The following CACNA2D3 variants were observed in gnomAD, a reference collection of about 807,000 sequenced individuals.
CACNA2D3 encodes the protein calcium voltage-gated channel auxiliary subunit alpha2delta 3.
In CACNA2D3, 60 loss-of-function variants were observed where a neutral mutation model predicts 160.6. The observed-to-expected ratio is 0.37, with a 90% CI of 0.30 to 0.46. CACNA2D3 has a LOEUF of 0.46. Among genes scored for constraint, CACNA2D3 ranks in the 20% least tolerant of loss-of-function variants. The pLI is 1.00. For missense variants in CACNA2D3, 1,205 were observed against 1,365.0 expected (o/e 0.88, Z 1.85); for synonymous variants, 558 against 492.9 (o/e 1.13, Z -1.75).
chr3:54,865,657 A>G (rs1421644335), intron 17 of CACNA2D3, among the ~76,000 whole-genome samples: 4 of 152,236 alleles, frequency 2.6e-5, no homozygotes, highest in Non-Finnish European at 5.9e-5. Flanking sequence ...GAATAGGGCT[A>G]TTTATAAACA....
chr3:54,211,714 C>T (rs928204065), intron 2 of CACNA2D3, among the ~76,000 whole-genome samples: 7 of 152,134 alleles, frequency 4.6e-5, no homozygotes, highest in Non-Finnish European at 1.0e-4. Context: ...TTCATTTTAT[C>T]GTTCTCTGTC....
chr3:54,495,687 T>C (rs182000225), intron 4 of CACNA2D3, among the ~76,000 whole-genome samples: 2 of 152,294 alleles, frequency 1.3e-5, no homozygotes, highest in East Asian at 3.9e-4. Context: ...AGGCAGAGGC[T>C]GCAGTGAGCC....
chr3:54,744,143 T>C (rs1403665418), intron 11 of CACNA2D3, among the ~76,000 whole-genome samples: 1 of 152,216 alleles, frequency 6.6e-6, no homozygotes, highest in African/African-American at 2.4e-5. Context: ...CTGATATGAC[T>C]ATTCTGGATC....
intron 13 of CACNA2D3, among the ~76,000 whole-genome samples, chr3:54,815,114 G>C (rs79633075): frequency 6.6e-6 from 1 of 151,952 alleles, no homozygotes; most frequent in South Asian, 2.1e-4. Context: ...TTCTCATCTC[G>C]TGGTCTATTT....
At chr3:54,543,300 T>C (rs770440810) in intron 5 of CACNA2D3, among the ~76,000 whole-genome samples, 2 of 152,210 alleles carry the variant, frequency 1.3e-5, no homozygotes, top group African/African-American at 2.4e-5. Flanking sequence ...ACAAAATGTC[T>C]TTCCATAGTT....
In CACNA2D3 at chr3:54,667,481, T is replaced by C. The variant is rs75090596; in HGVS notation, c.1167+25240T>C. On this transcript the variant is annotated intron_variant, in intron 11 of 37. Coordinates refer to ENST00000474759, the MANE Select transcript of CACNA2D3 (RefSeq NM_018398.3). Reference sequence around the variant, plus strand: ...GTTAGATAAAGAGGTTTTCATTTTATTCCTGTTCCATCAGAGACAATATCC... The same window carrying C: ...GTTAGATAAAGAGGTTTTCATTTTACTCCTGTTCCATCAGAGACAATATCC... Among the ~76,000 whole-genome samples, 898 of 152,338 alleles carry C rather than the reference T, an allele frequency of 5.9e-3. 12 individuals carry two copies. The highest frequency in any genetic ancestry group is 0.02 in the African/African-American group (847 of 41,576).
At chr3:54,206,322 C>T (rs75260377) in intron 2 of CACNA2D3, among the ~76,000 whole-genome samples, 8 of 151,986 alleles carry the variant, frequency 5.3e-5, no homozygotes, top group Admixed American at 4.6e-4. Context: ...TCTGTATGCT[C>T]GGGGATGAGG....
chr3:54,153,346 A>G (rs1200914915), intron 2 of CACNA2D3, among the ~76,000 whole-genome samples: 1 of 152,226 alleles, frequency 6.6e-6, no homozygotes, highest in Non-Finnish European at 1.5e-5. Context: ...CAGTTAGGAA[A>G]GGAGAAATGC....
intron 11 of CACNA2D3, among the ~76,000 whole-genome samples, chr3:54,715,710 A>C (rs1701039638): frequency 1.3e-5 from 2 of 152,324 alleles, no homozygotes; most frequent in South Asian, 4.1e-4. Flanking sequence ...ACAGGGAGGA[A>C]GACCAAATAT....
chr3:54,213,072 A>G (rs893335183), intron 2 of CACNA2D3, among the ~76,000 whole-genome samples: 16 of 152,090 alleles, frequency 1.1e-4, no homozygotes, highest in African/African-American at 3.9e-4. Context: ...TCCACCATCA[A>G]TTGTTTATTG....
At chr3:54,876,110 A>G (rs180833980) in intron 18 of CACNA2D3, among the ~76,000 whole-genome samples, 1 of 152,256 alleles carries the variant, frequency 6.6e-6, no homozygotes, top group East Asian at 1.9e-4. Context: ...GCATTTTTCC[A>G]GTTGTTCACT....
At chr3:54,855,953 TC>T (rs1699159744) in intron 17 of CACNA2D3, among the ~76,000 whole-genome samples, 1 of 152,122 alleles carries the variant, frequency 6.6e-6, no homozygotes, top group South Asian at 2.1e-4. Context: ...CCTCTCAGCC[TC>T]CCCTTCCCCC....
intron 14 of CACNA2D3, among the ~76,000 whole-genome samples, chr3:54,818,418 T>G (rs1392295728): frequency 6.6e-6 from 1 of 152,194 alleles, no homozygotes; most frequent in Non-Finnish European, 1.5e-5. Context: ...TGACCTTAGG[T>G]GATCTGCCTG....
At chr3:54,601,452 C>T (rs1242094344) in intron 9 of CACNA2D3, among the ~76,000 whole-genome samples, 1 of 152,162 alleles carries the variant, frequency 6.6e-6, no homozygotes, top group East Asian at 1.9e-4. Flanking sequence ...AAGTGATCCT[C>T]CTGCCTCAGC....
At chr3:54,440,840 C>T (rs1032193911) in intron 4 of CACNA2D3, among the ~76,000 whole-genome samples, 2 of 152,138 alleles carry the variant, frequency 1.3e-5, no homozygotes, top group African/African-American at 2.4e-5. Flanking sequence ...GGCTGCATAG[C>T]ATTCCATGGT....
chr3:54,654,872 C>T (rs1699847468), intron 11 of CACNA2D3, among the ~76,000 whole-genome samples: 1 of 152,172 alleles, frequency 6.6e-6, no homozygotes, highest in Non-Finnish European at 1.5e-5. Flanking sequence ...AATGAGAATC[C>T]AATGGGAAGC....
chr3:54,186,832 C>T (rs1700887066), intron 2 of CACNA2D3, among the ~76,000 whole-genome samples: 1 of 152,190 alleles, frequency 6.6e-6, no homozygotes, highest in Non-Finnish European at 1.5e-5. Flanking sequence ...TCACCAACGG[C>T]AGGCCTCTCC....
intron 11 of CACNA2D3, among the ~76,000 whole-genome samples, chr3:54,740,542 A>G (rs907069680): frequency 5.3e-5 from 8 of 152,132 alleles, no homozygotes; most frequent in African/African-American, 1.7e-4. Flanking sequence ...GCTCGTACAG[A>G]TCACCAAAAA....
intron 9 of CACNA2D3, among the ~76,000 whole-genome samples, chr3:54,609,070 T>C (rs1460247089): frequency 6.6e-6 from 1 of 152,206 alleles, no homozygotes; most frequent in Non-Finnish European, 1.5e-5. Flanking sequence ...TAATCTTTAA[T>C]GTGTATTTGG....
Sources: gnomAD v4.1 joint callset for allele counts (sites outside exome capture counted in the v4.1 genomes callset) on GRCh38, gnomAD v4.1.1 for gene constraint, MANE v1.5 for transcripts, NCBI Gene and HGNC (gene_info 2026-07-23, HGNC 2026-07-21) for gene names.